Variants in GFRA2 observed in about 807,000 individuals in gnomAD.
The protein encoded by GFRA2 is GDNF family receptor alpha-2.
GFRA2 carries 17 observed loss-of-function variants against 48.3 expected under a neutral mutation model. The observed-to-expected ratio is 0.35, with a 90% CI of 0.24 to 0.53. The LOEUF (loss-of-function observed/expected upper bound fraction) is 0.53. Ranked by LOEUF, GFRA2 falls within the 20% of genes least tolerant of loss-of-function variation. The pLI is 0.93. For synonymous variants in GFRA2, 305 were observed against 257.2 expected, an observed-to-expected ratio of 1.19 and a Z score of -1.78; for missense variants, 660 against 637.3, an observed-to-expected ratio of 1.04 and a Z score of -0.38.
intron 4 of GFRA2, among the ~76,000 whole-genome samples, chr8:21,731,479 A>ATT (rs538725732): frequency 1.3e-5 from 2 of 150,206 alleles, no homozygotes; most frequent in African/African-American, 4.9e-5. Flanking sequence ...ATCTTAAAAT[A>ATT]TTTTTTTTTT....
At chr8:21,804,562 C>G (rs967713756) in intron 2 of GFRA2, among the ~76,000 whole-genome samples, 1 of 152,088 alleles carries the variant, frequency 6.6e-6, no homozygotes, top group Admixed American at 6.5e-5. Flanking sequence ...GTCTTCCTCA[C>G]ACCCCTGAAG....
intron 2 of GFRA2, among the ~76,000 whole-genome samples, chr8:21,804,181 T>G (rs968002193): frequency 6.7e-6 from 1 of 148,674 alleles, no homozygotes; most frequent in Non-Finnish European, 1.5e-5. Context: ...ATGGAGTCAC[T>G]AATTTTACAT....
intron 1 of GFRA2, among the ~76,000 whole-genome samples, chr8:21,805,944 C>T (rs1425012030): frequency 6.6e-6 from 1 of 152,230 alleles, no homozygotes; most frequent in African/African-American, 2.4e-5. Context: ...GTTTGAGCCC[C>T]AGAGGGTGGC....
chr8:21,707,298 C>T (rs1802796323), intron 4 of GFRA2, among the ~76,000 whole-genome samples: 1 of 152,224 alleles, frequency 6.6e-6, no homozygotes, highest in Non-Finnish European at 1.5e-5. Context: ...ACCACAGGTT[C>T]AGCTCCCCTG....
chr8:21,727,801 A>G (rs534194950), intron 4 of GFRA2, among the ~76,000 whole-genome samples: 7 of 152,338 alleles, frequency 4.6e-5, no homozygotes, highest in Non-Finnish European at 5.9e-5. Context: ...GCCCATGTCC[A>G]GGGACTGTCT....
At chr8:21,811,451 T>A (rs1807979292) in intron 1 of GFRA2, among the ~76,000 whole-genome samples, 1 of 152,104 alleles carries the variant, frequency 6.6e-6, no homozygotes. Flanking sequence ...CTTCCTAGAA[T>A]TAAATCCCCA....
At chr8:21,694,307 C>T (rs543922978) in intron 8 of GFRA2, among the ~76,000 whole-genome samples, 157 bp downstream of exon 8, 1 of 151,976 alleles carries the variant, frequency 6.6e-6, no homozygotes, top group South Asian at 2.1e-4. Context: ...TCCCCCACCC[C>T]ACCCCAGCAG....
chr8:21,726,893 C>G (rs1425392403), intron 4 of GFRA2, among the ~76,000 whole-genome samples: 1 of 151,816 alleles, frequency 6.6e-6, no homozygotes, highest in African/African-American at 2.4e-5. Flanking sequence ...GCTGGGACTA[C>G]AAGCGCGCAC....
chr8:21,723,152 C>T lies in GFRA2; in HGVS notation c.795-17111G>A, dbSNP rs137866410. Reference sequence around the variant, plus strand: ...GATAAAGCATCCAGGTAGACTCTTCCCATGGGGCAGAAAAAGGATGGGACT... The same window carrying T: ...GATAAAGCATCCAGGTAGACTCTTCTCATGGGGCAGAAAAAGGATGGGACT... On this transcript the variant is annotated intron_variant, in intron 4 of 8. Transcript: ENST00000524240. 9.8e-4 allele frequency among the ~76,000 whole-genome samples: 149 copies of T among 152,252 alleles called. 1 individual carries two copies. In the East Asian group the frequency reaches 0.026, roughly 27 times the overall value.
chr8:21,806,504 C>T (rs1807869559), intron 1 of GFRA2, among the ~76,000 whole-genome samples: 1 of 152,196 alleles, frequency 6.6e-6, no homozygotes, highest in Non-Finnish European at 1.5e-5. Flanking sequence ...TTGCTCTTGT[C>T]ACCCAGACTG....
chr8:21,753,047 G>A (rs1010720592), intron 3 of GFRA2, among the ~76,000 whole-genome samples: 6 of 152,092 alleles, frequency 3.9e-5, no homozygotes, highest in Non-Finnish European at 8.8e-5. Context: ...AGCAGCTGGA[G>A]AGAACCTTCT....
chr8:21,775,750 C>G (rs1009869095), intron 2 of GFRA2, among the ~76,000 whole-genome samples: 1 of 152,170 alleles, frequency 6.6e-6, no homozygotes, highest in African/African-American at 2.4e-5. Context: ...CTGCAGGGCC[C>G]TCCTGTTCTC....
At chr8:21,767,456 G>A (rs1234938005) in intron 3 of GFRA2, among the ~76,000 whole-genome samples, 1 of 152,248 alleles carries the variant, frequency 6.6e-6, no homozygotes, top group Non-Finnish European at 1.5e-5. Context: ...GGGGTTACAG[G>A]AGCGTGCAGG....
At chr8:21,699,030 C>T (rs1383186329) in intron 7 of GFRA2, among the ~76,000 whole-genome samples, 1 of 152,242 alleles carries the variant, frequency 6.6e-6, no homozygotes, top group Non-Finnish European at 1.5e-5. Context: ...GTCCCGCACG[C>T]AGCAGGTGCA....
chr8:21,712,375 C>T (rs1308777672), intron 4 of GFRA2, among the ~76,000 whole-genome samples: 51 of 150,888 alleles, frequency 3.4e-4, no homozygotes, highest in South Asian at 2.3e-3. Flanking sequence ...GACGGGGCGG[C>T]GGGGCAGAGG....
At chr8:21,783,808 G>C (rs1239363603) in intron 1 of GFRA2, among the ~76,000 whole-genome samples, 1 of 151,510 alleles carries the variant, frequency 6.6e-6, no homozygotes, top group Non-Finnish European at 1.5e-5. Flanking sequence ...AGCTCTGCTT[G>C]CACCTGGCTA....
At chr8:21,741,829 G>A (rs1416604710) in intron 4 of GFRA2, among the ~76,000 whole-genome samples, 1 of 151,896 alleles carries the variant, frequency 6.6e-6, no homozygotes, top group Non-Finnish European at 1.5e-5. Context: ...GGCTGAGGCA[G>A]GAGAATCGCT....
chr8:21,754,516 T>TC (rs199670815), intron 3 of GFRA2, among the ~76,000 whole-genome samples: 12,616 of 149,750 alleles, frequency 0.084, 721 homozygotes, highest in Middle Eastern at 0.23. Flanking sequence ...TTTTTTTTTT[T>TC]TTTTTTTTTG....
chr8:21,789,927 G>A (rs1247280025), upstream of GFRA2: 7 of 282,322 alleles, frequency 2.5e-5, no homozygotes, highest in Non-Finnish European at 2.7e-5. Context: ...AGACCGACCC[G>A]GGCCGGGGCT....
Sources: allele counts gnomAD v4.1 joint callset (sites outside exome capture counted in the v4.1 genomes callset), GRCh38; gene constraint gnomAD v4.1.1; transcripts MANE v1.5; gene names NCBI Gene and HGNC (gene_info 2026-07-23, HGNC 2026-07-21).